Variants in RNF17 observed in about 807,000 individuals in gnomAD.
The protein encoded by RNF17 is ring finger protein 17.
Under a neutral mutation model 200.5 loss-of-function variants are expected in RNF17, and 31 were observed. That is an observed-to-expected ratio of 0.15 (90% CI 0.12 to 0.21). The LOEUF is 0.21. RNF17 is among the 10% of genes least tolerant of loss of function. RNF17 has a pLI of 1.00. For synonymous variants in RNF17, 606 were observed against 637.8 expected, an observed-to-expected ratio of 0.95 and a Z score of 0.75; for missense variants, 1,628 against 1,905.1, an observed-to-expected ratio of 0.85 and a Z score of 2.71.
intron 6 of RNF17, among the ~76,000 whole-genome samples, chr13:24,782,434 G>T (rs1268759305): frequency 1.3e-5 from 2 of 152,000 alleles, no homozygotes; most frequent in Admixed American, 1.3e-4. Flanking sequence ...CTGGCCTCAA[G>T]AAATCATCCT....
intron 15 of RNF17, among the ~76,000 whole-genome samples, chr13:24,813,312 A>T (rs545110011): frequency 1.8e-4 from 28 of 152,110 alleles, no homozygotes; most frequent in African/African-American, 6.5e-4. Flanking sequence ...GGCACATACC[A>T]CCACACCTGT....
intron 1 of RNF17, among the ~76,000 whole-genome samples, chr13:24,766,336 A>G (rs1879688622): frequency 6.6e-6 from 1 of 152,242 alleles, no homozygotes. Flanking sequence ...TTTTCTTGCA[A>G]AACTTTAAAA....
At chr13:24,810,200 G>C (rs1305980807) in intron 15 of RNF17, among the ~76,000 whole-genome samples, 11 of 148,840 alleles carry the variant, frequency 7.4e-5, no homozygotes, top group African/African-American at 2.8e-4. Flanking sequence ...TATCCTTGTT[G>C]ACTTTCTGTC....
intron 6 of RNF17, 101 bp downstream of exon 6, chr13:24,782,045 A>C: frequency 3.8e-6 from 3 of 781,862 alleles, no homozygotes; most frequent in Non-Finnish European, 6.4e-6. Flanking sequence ...ACTTTTAAAC[A>C]AGTTTGTAAT....
At position 24,868,512 on chromosome 13, in the gene RNF17, A is replaced by G. The variant is rs1039903699; in HGVS notation, c.4162-88A>G. ...AAAAAAACTTGCTTTCTGCTAATTG[A>G]AAGGTAAATTGGCACCATCATGAAT... On this transcript the variant is annotated intron_variant, in intron 30 of 35. Coordinates refer to ENST00000255324, the MANE Select transcript of RNF17 (RefSeq NM_031277.3). 3.2e-5 allele frequency: 17 copies of G among 535,636 alleles called. No homozygotes were observed. In the Admixed American group the frequency reaches 4.8e-4, roughly 15 times the overall value. 33.2% of individuals were successfully genotyped at this position (535,636 alleles called of 1,614,324 possible).
intron 15 of RNF17, among the ~76,000 whole-genome samples, chr13:24,807,862 A>G (rs1886082638): frequency 6.6e-6 from 1 of 151,034 alleles, no homozygotes; most frequent in Non-Finnish European, 1.5e-5. Context: ...CTTTCTACAT[A>G]TGGCTAGCCA....
chr13:24,819,110 C>T (rs1206016991), intron 15 of RNF17, among the ~76,000 whole-genome samples: 1 of 152,080 alleles, frequency 6.6e-6, no homozygotes, highest in African/African-American at 2.4e-5. Flanking sequence ...TAACCATATT[C>T]GTATTACCAT....
intron 15 of RNF17, among the ~76,000 whole-genome samples, chr13:24,818,759 A>G (rs1231826933): frequency 6.6e-6 from 1 of 152,006 alleles, no homozygotes; most frequent in Admixed American, 6.6e-5. Flanking sequence ...TTGACTTTCA[A>G]CCTGTGTATA....
intron 15 of RNF17, among the ~76,000 whole-genome samples, chr13:24,818,288 C>T: frequency 6.6e-6 from 1 of 151,884 alleles, no homozygotes; most frequent in East Asian, 1.9e-4. Flanking sequence ...ATTTTGCAGC[C>T]TAACATATGG....
At chr13:24,797,287 C>A (rs1264805958) in intron 11 of RNF17, among the ~76,000 whole-genome samples, 1 of 152,088 alleles carries the variant, frequency 6.6e-6, no homozygotes, top group African/African-American at 2.4e-5. Context: ...GTAAATACAG[C>A]TGATTAAAAC....
Position 24,870,576 on chromosome 13 carries a change from T to C in RNF17, c.4284T>C (p.Tyr1428=). The C allele has an allele frequency of 6.2e-7, 1 of 1,612,472 alleles. No homozygotes were observed. Among genetic ancestry groups the C allele is most frequent in the Non-Finnish European group, 8.5e-7 (1 of 1,179,222 alleles). Residue 1428 remains tyrosine, a synonymous_variant, in exon 32 of 36, where the codon TAT becomes TAC. Transcript: ENST00000255324. ...CTTTCATTCTCCCCACTTAGGTGTA[T>C]ATTTGCCTTGATTCTATAGAAACTT... ...VKHVVSPNEV[Y]ICLDSIETSN...
chr13:24,834,368 T>C (rs940417377), intron 18 of RNF17, among the ~76,000 whole-genome samples: 1 of 152,120 alleles, frequency 6.6e-6, no homozygotes, highest in African/African-American at 2.4e-5. Context: ...TGAGCCGAGA[T>C]TGTGCCACTG....
chr13:24,769,492 G>A (rs1880351456), intron 2 of RNF17, among the ~76,000 whole-genome samples: 2 of 152,144 alleles, frequency 1.3e-5, no homozygotes, highest in Admixed American at 6.5e-5. Flanking sequence ...TGGTGAGCTG[G>A]GCCCTATTAA....
At chr13:24,798,382 A>G (rs1326487926) in intron 11 of RNF17, among the ~76,000 whole-genome samples, 5 of 152,172 alleles carry the variant, frequency 3.3e-5, no homozygotes. Flanking sequence ...GCAAAATAAG[A>G]GAAGGGTCAC....
intron 18 of RNF17, among the ~76,000 whole-genome samples, chr13:24,835,131 G>A (rs1889835574): frequency 6.6e-6 from 1 of 152,012 alleles, no homozygotes; most frequent in African/African-American, 2.4e-5. Context: ...CCAGTGATCT[G>A]GGAATATCAC....
chr13:24,833,950 A>T lies in RNF17; in HGVS notation c.2482+1972A>T, dbSNP rs1038824963. ...CCTATTGGAATAAAGAACTTTTTGCATAAGAAGTGTAAAACCAAAGAACTA... is the reference window on the plus strand; with the variant it reads ...CCTATTGGAATAAAGAACTTTTTGCTTAAGAAGTGTAAAACCAAAGAACTA... On this transcript the variant is annotated intron_variant, in intron 18 of 35. Transcript: ENST00000255324. Among the ~76,000 whole-genome samples the T allele has an allele frequency of 2.0e-5, 3 of 152,240 alleles. No homozygotes were observed. In the East Asian group the frequency reaches 5.8e-4, roughly 29 times the overall value.
intron 2 of RNF17, among the ~76,000 whole-genome samples, chr13:24,768,656 G>C (rs984460204): frequency 1.3e-5 from 2 of 151,810 alleles, no homozygotes; most frequent in African/African-American, 4.8e-5. Flanking sequence ...TTCTGTGGAA[G>C]TGTGGCAAAC....
At chr13:24,827,563 G>A (rs1010730526) in intron 16 of RNF17, among the ~76,000 whole-genome samples, 47 of 151,104 alleles carry the variant, frequency 3.1e-4, no homozygotes, top group African/African-American at 1.1e-3. Flanking sequence ...TTAGCCGGGC[G>A]TAGTGGCGGG....
Position 24,777,727 on chromosome 13 carries a change from G to A in RNF17, c.318-568G>A, listed in dbSNP as rs1005927016. Among the ~76,000 whole-genome samples the A allele has an allele frequency of 2.6e-5, 4 of 151,960 alleles. No homozygotes were observed. In the East Asian group the frequency reaches 5.8e-4, roughly 22 times the overall value. The stretch of plus-strand genomic sequence containing the variant: ...CAACATCTGTACCAAAAAATACCAC[G>A]TAAGGACCAGTAATTAAGAAATTAA... On this transcript the variant is annotated intron_variant, in intron 3 of 35. Transcript: ENST00000255324.
Sources: gnomAD v4.1 joint callset for allele counts (sites outside exome capture counted in the v4.1 genomes callset) on GRCh38, gnomAD v4.1.1 for gene constraint, MANE v1.5 for transcripts, NCBI Gene and HGNC (gene_info 2026-07-23, HGNC 2026-07-21) for gene names.